The following ERC2 variants were observed in gnomAD, a reference collection of about 807,000 sequenced individuals.
ERC2 encodes ERC protein 2.
A neutral mutation model predicts 114.8 loss-of-function variants in ERC2; 42 were observed. That is an observed-to-expected ratio of 0.37 (90% CI 0.29 to 0.47). ERC2 has a LOEUF of 0.47. ERC2 is among the 20% of genes least tolerant of loss of function. ERC2 has a pLI of 0.99. For missense variants in ERC2, 939 were observed against 1,150.7 expected (o/e 0.82, Z 2.66); for synonymous variants, 454 against 425.5 (o/e 1.07, Z -0.82).
chr3:55,809,676 C>T (rs2059640097), intron 14 of ERC2, among the ~76,000 whole-genome samples: 1 of 152,142 alleles, frequency 6.6e-6, no homozygotes. Flanking sequence ...TTTTGCAGGG[C>T]CATTTGTCTA....
chr3:55,694,840 G>A (rs1369297244), intron 16 of ERC2, among the ~76,000 whole-genome samples: 1 of 152,204 alleles, frequency 6.6e-6, no homozygotes, highest in Non-Finnish European at 1.5e-5. Flanking sequence ...GAAGAGAAAT[G>A]TGAGTCCTAG....
chr3:56,163,514 A>C (rs556482101), intron 4 of ERC2, among the ~76,000 whole-genome samples: 3 of 152,118 alleles, frequency 2.0e-5, no homozygotes, highest in African/African-American at 7.2e-5. Flanking sequence ...GTCTTTTCGT[A>C]AGTCTTACAA....
rs1389837464 is a variant in ERC2 at position 56,363,908 on chromosome 3, A to C, written c.658-67473T>G. ...GGGGGAGGGGAAGGGAAGGAAGGGA[A>C]GGAGGGTAGGAAGGGAAGGAAAGCA... On this transcript the variant is annotated intron_variant, in intron 2 of 17. Coordinates refer to ENST00000288221, the MANE Select transcript of ERC2 (RefSeq NM_015576.3). 2.6e-5 allele frequency among the ~76,000 whole-genome samples: 4 copies of C among 151,256 alleles called. No individual in the cohort carries two copies. The East Asian group carries it at 7.9e-4, about 30-fold the overall frequency.
At chr3:55,624,474 C>T (rs1224855191) in intron 17 of ERC2, among the ~76,000 whole-genome samples, 1 of 152,148 alleles carries the variant, frequency 6.6e-6, no homozygotes, top group Non-Finnish European at 1.5e-5. Context: ...TCAGGGAAAC[C>T]ACCCCAGACT....
chr3:55,981,094 T>C (rs2070096498), intron 12 of ERC2, among the ~76,000 whole-genome samples: 1 of 152,246 alleles, frequency 6.6e-6, no homozygotes, highest in South Asian at 2.1e-4. Flanking sequence ...CGGAAAGGTG[T>C]AAGCACCAAT....
chr3:55,667,520 G>A (rs2061399697), intron 17 of ERC2, among the ~76,000 whole-genome samples: 1 of 152,164 alleles, frequency 6.6e-6, no homozygotes, highest in Non-Finnish European at 1.5e-5. Flanking sequence ...GCCTGAGTCT[G>A]CCATTCATCA....
chr3:55,549,758 A>G (rs1007969994), intron 17 of ERC2, among the ~76,000 whole-genome samples: 3 of 151,944 alleles, frequency 2.0e-5, no homozygotes, highest in African/African-American at 4.8e-5. Flanking sequence ...CTTTCTAAAT[A>G]TAGGCTTAAT....
At chr3:55,599,250 A>T (rs531408100) in intron 17 of ERC2, among the ~76,000 whole-genome samples, 1 of 152,312 alleles carries the variant, frequency 6.6e-6, no homozygotes, top group South Asian at 2.1e-4. Context: ...ACTGAGCCTG[A>T]TTCCTGACTG....
intron 17 of ERC2, among the ~76,000 whole-genome samples, chr3:55,617,217 T>C (rs1336935584): frequency 6.6e-6 from 1 of 152,170 alleles, no homozygotes; most frequent in Non-Finnish European, 1.5e-5. Flanking sequence ...GCCCTAGAGA[T>C]TTGGGGCAAG....
At chr3:55,528,836 A>G (rs917172189) in intron 17 of ERC2, among the ~76,000 whole-genome samples, 4 of 152,040 alleles carry the variant, frequency 2.6e-5, no homozygotes, top group African/African-American at 9.7e-5. Context: ...GTAGTACCCT[A>G]GTTTGATAAC....
At chr3:55,826,744 A>G (rs1575734050) in intron 14 of ERC2, among the ~76,000 whole-genome samples, 1 of 152,344 alleles carries the variant, frequency 6.6e-6, no homozygotes, top group East Asian at 1.9e-4. Context: ...CATTCGGTAG[A>G]AAGTCTGTTT....
intron 17 of ERC2, among the ~76,000 whole-genome samples, chr3:55,570,496 G>C (rs955931620): frequency 3.3e-5 from 5 of 152,284 alleles, no homozygotes; most frequent in African/African-American, 1.2e-4. Context: ...GGGATGAGGT[G>C]AGTGCAGAGG....
In ERC2 at chr3:55,827,156, C is replaced by G. The variant is rs118131433; in HGVS notation, c.2564+61233G>C. Among the ~76,000 whole-genome samples the G allele has an allele frequency of 3.6e-3, 541 of 152,046 alleles. 8 individuals are homozygous for G. Among genetic ancestry groups the G allele is most frequent in the East Asian group, 9.3e-3 (48 of 5,166 alleles). On this transcript the variant is annotated intron_variant, in intron 14 of 17. Coordinates refer to ENST00000288221, the MANE Select transcript of ERC2 (RefSeq NM_015576.3). ...TTCGGTATTCCTGCTGCATGTGATT[C>G]CTGGCCTTTTTCCAGTATATTTAGT... is the stretch of plus-strand genomic sequence containing the variant.
chr3:56,456,922 G>A (rs138209481), intron 1 of ERC2, among the ~76,000 whole-genome samples: 249 of 151,614 alleles, frequency 1.6e-3, no homozygotes, highest in African/African-American at 5.6e-3. Context: ...ATTTAACAGT[G>A]CTACTGTATA....
chr3:55,558,027 T>C (rs947195029), intron 17 of ERC2, among the ~76,000 whole-genome samples: 16 of 152,238 alleles, frequency 1.1e-4, no homozygotes, highest in Admixed American at 2.6e-4. Flanking sequence ...TTTTCTGATC[T>C]GTAATATTGG....
chr3:56,139,461 T>C (rs772639572), intron 6 of ERC2, 48 bp downstream of exon 6: 16 of 1,565,856 alleles, frequency 1.0e-5, no homozygotes, highest in Non-Finnish European at 1.4e-5. Flanking sequence ...GGGCAATTTC[T>C]ATCAATTCAA....
chr3:56,453,362 T>C lies in ERC2; in HGVS notation c.-141+14886A>G, dbSNP rs556298216. 2.6e-5 allele frequency among the ~76,000 whole-genome samples: 4 copies of C among 152,264 alleles called. No homozygotes were observed. In the East Asian group the frequency reaches 5.8e-4, roughly 22 times the overall value. On this transcript the variant is annotated intron_variant, in intron 1 of 17. Transcript: ENST00000288221. ...TTCAGCCTGTGTCCCAGAATAAAGA[T>C]AACATGGAGCAGAATCACAGACAAC... is the stretch of plus-strand genomic sequence containing the variant.
intron 7 of ERC2, among the ~76,000 whole-genome samples, chr3:56,068,086 A>C (rs540631135): frequency 3.9e-5 from 6 of 152,176 alleles, no homozygotes; most frequent in African/African-American, 1.2e-4. Context: ...TTCCTTTTCA[A>C]TTGTTTGGAA....
chr3:55,571,003 C>T (rs927075679), intron 17 of ERC2, among the ~76,000 whole-genome samples: 3 of 151,794 alleles, frequency 2.0e-5, no homozygotes, highest in Non-Finnish European at 4.4e-5. Flanking sequence ...TGGCGTGCCC[C>T]TGTAATACCA....
Sources: gnomAD v4.1 joint callset for allele counts (sites outside exome capture counted in the v4.1 genomes callset) on GRCh38, gnomAD v4.1.1 for gene constraint, MANE v1.5 for transcripts, NCBI Gene and HGNC (gene_info 2026-07-23, HGNC 2026-07-21) for gene names.